The following GRIK5 variants were observed in gnomAD, a reference collection of about 807,000 sequenced individuals.
GRIK5 encodes the protein glutamate ionotropic receptor kainate type subunit 5.
A neutral mutation model predicts 97.4 loss-of-function variants in GRIK5; 43 were observed. The ratio of observed to expected loss-of-function variants is 0.44; its 90% confidence interval spans 0.35 to 0.57. The LOEUF is 0.57. Among genes scored for constraint, GRIK5 ranks in the 20% least tolerant of loss-of-function variants. The probability of loss-of-function intolerance (pLI) is 0.01; values close to 1 mark genes in which losing one functional copy is unlikely to be tolerated. For synonymous variants in GRIK5, 580 were observed against 583.5 expected, an observed-to-expected ratio of 0.99 and a Z score of 0.09; for missense variants, 1,015 against 1,382.0, an observed-to-expected ratio of 0.73 and a Z score of 4.21.
At chr19:42,053,399 T>G (rs2076141008) in intron 11 of GRIK5, among the ~76,000 whole-genome samples, 1 of 152,238 alleles carries the variant, frequency 6.6e-6, no homozygotes, top group African/African-American at 2.4e-5. Flanking sequence ...AATCTGGCCC[T>G]GAGGGCAGTC....
intron 15 of GRIK5, among the ~76,000 whole-genome samples, chr19:42,007,744 T>G (rs2075510297): frequency 6.6e-6 from 1 of 152,052 alleles, no homozygotes; most frequent in Admixed American, 6.6e-5. Context: ...AGAAAACAAT[T>G]CTTAGAGTTG....
intron 15 of GRIK5, among the ~76,000 whole-genome samples, chr19:42,012,413 G>A (rs534253715): frequency 3.7e-4 from 57 of 152,140 alleles, no homozygotes; most frequent in African/African-American, 1.3e-3. Context: ...GCCACGCCTG[G>A]CTAATTTTTT....
chr19:42,049,223 T>C (rs999812784), intron 11 of GRIK5, among the ~76,000 whole-genome samples: 4 of 152,160 alleles, frequency 2.6e-5, no homozygotes, highest in Non-Finnish European at 5.9e-5. Context: ...GGAATGAAAG[T>C]GAAAGTGGTT....
chr19:42,030,384 G>A (rs1015152556), intron 12 of GRIK5, among the ~76,000 whole-genome samples: 1 of 152,132 alleles, frequency 6.6e-6, no homozygotes, highest in Admixed American at 6.5e-5. Flanking sequence ...GTTTCACTGT[G>A]TTGGCCAGGT....
intron 8 of GRIK5, among the ~76,000 whole-genome samples, chr19:42,055,383 G>T (rs1692676360): frequency 6.6e-6 from 1 of 152,222 alleles, no homozygotes; most frequent in Admixed American, 6.5e-5. Flanking sequence ...GTGTCTTGGT[G>T]TCTTGGTATC....
chr19:42,037,458 C>CAAAAAG (rs1164816600), intron 12 of GRIK5, among the ~76,000 whole-genome samples: 1 of 152,010 alleles, frequency 6.6e-6, no homozygotes, highest in Non-Finnish European at 1.5e-5. Flanking sequence ...GACTCTGCCT[C>CAAAAAG]AAAAAGAAAA....
At chr19:42,036,027 A>T (rs2075899959) in intron 12 of GRIK5, among the ~76,000 whole-genome samples, 1 of 152,100 alleles carries the variant, frequency 6.6e-6, no homozygotes, top group Admixed American at 6.6e-5. Flanking sequence ...ATAATGTAAA[A>T]TTTTTTAATG....
chr19:42,015,388 C>A (rs543591714), intron 15 of GRIK5, among the ~76,000 whole-genome samples: 2 of 152,300 alleles, frequency 1.3e-5, no homozygotes, highest in South Asian at 4.1e-4. Flanking sequence ...CCAGGACAGA[C>A]CATATGCTGA....
rs2075997949 is a variant in GRIK5, at chr19:42,042,983, T to C, written c.1270-228A>G. 3.5e-6 allele frequency: 2 copies of C among 569,886 alleles called. No individual in the cohort carries two copies. The allele number at this position is 569,886 out of a possible 1,614,324, so 35.3% of individuals were successfully genotyped here. On this transcript the variant is annotated intron_variant, in intron 11 of 19. Transcript: ENST00000593562. The surrounding 1 kb of genome is among the most constrained non-coding windows in gnomAD (Gnocchi z 6.9). The stretch of plus-strand genomic sequence containing the variant: ...GTTCCTAGCAGATTGCAGGGAGCCA[T>C]TTTAATCTTCAGCAGCCAACCTGAT...
chr19:41,999,139 G>A lies in GRIK5; in HGVS notation c.2675C>T (p.Ser892Leu), dbSNP rs1210101567. 16 of 1,482,048 alleles carry A rather than the reference G, an allele frequency of 1.1e-5. No individual in the cohort carries two copies. Among genetic ancestry groups the A allele is most frequent in the Non-Finnish European group, 1.3e-5 (15 of 1,125,010 alleles). The allele number at this position is 1,482,048 out of a possible 1,614,324, so 91.8% of individuals were successfully genotyped here. The change falls in exon 20 of 20, where the codon TCG (serine) becomes TTG (leucine). Residue 892 changes from serine to leucine, a missense_variant. Physicochemically the swap from Ser to Leu is moderately radical, Grantham distance 145. Transcript: ENST00000593562. This position sits in a 1 kb window ranked among gnomAD's most constrained non-coding sequence, Gnocchi z 5.0. Reference protein sequence around the residue: ...EMRLSNGKLYSAGAGGDAGSA... With the variant: ...EMRLSNGKLYLAGAGGDAGSA... ...GCCCGCATCCCCGCCCGCGCCGGCC[G>A]AGTAGAGCTTGCCGTTGCTGAGGCG...
Position 42,042,770 on chromosome 19 carries a change from G to A in GRIK5, c.1270-15C>T. 2 of 1,604,952 alleles carry A rather than the reference G, an allele frequency of 1.2e-6. No individual in the cohort carries two copies. The highest frequency in any genetic ancestry group is 1.7e-6 in the Non-Finnish European group (2 of 1,173,874). On this transcript the variant is annotated splice_polypyrimidine_tract_variant and intron_variant, in intron 11 of 19. Transcript: ENST00000593562. This position sits in a 1 kb window ranked among gnomAD's most constrained non-coding sequence, Gnocchi z 6.9. ...TATGGGTTCTCCTGGGTGGGCAGAA[G>A]AAAGCAGGGGTCAGAGGCTGGGTGT...
chr19:42,012,977 T>A (rs2075581941), intron 15 of GRIK5, among the ~76,000 whole-genome samples: 1 of 152,232 alleles, frequency 6.6e-6, no homozygotes, highest in South Asian at 2.1e-4. Context: ...CTCATTCATT[T>A]AATGTATCAT....
At chr19:42,037,717 G>A (rs1237442518) in intron 12 of GRIK5, among the ~76,000 whole-genome samples, 2 of 152,152 alleles carry the variant, frequency 1.3e-5, no homozygotes, top group Non-Finnish European at 2.9e-5. Context: ...GTGGCTGATG[G>A]CTCTCAGCTC....
chr19:42,049,733 CTGTA>C (rs1463923720), intron 11 of GRIK5, among the ~76,000 whole-genome samples: 2 of 152,104 alleles, frequency 1.3e-5, no homozygotes, highest in African/African-American at 4.8e-5. Flanking sequence ...GTGCACATTT[CTGTA>C]TGTGTGTTAC....
intron 1 of GRIK5, among the ~76,000 whole-genome samples, chr19:42,066,252 T>G (rs1470143112): frequency 6.6e-6 from 1 of 151,750 alleles, no homozygotes; most frequent in East Asian, 1.9e-4. Context: ...CTGGAGAGGA[T>G]GCGGTGGTTG....
Position 42,062,162 on chromosome 19 carries a change from A to G in GRIK5, c.508+326T>C, listed in dbSNP as rs117835852. On this transcript the variant is annotated intron_variant, in intron 5 of 19. Coordinates refer to ENST00000593562, the MANE Select transcript of GRIK5 (RefSeq NM_002088.5). The surrounding 1 kb of genome is among the most constrained non-coding windows in gnomAD (Gnocchi z 5.3). The stretch of plus-strand genomic sequence containing the variant: ...CTCCACGTGCCTCCTGGCAGCACAC[A>G]TACCACTCTGTATCACAACAGCTCA... 1.3e-3 allele frequency among the ~76,000 whole-genome samples: 191 copies of G among 152,286 alleles called. 1 individual carries two copies. Among genetic ancestry groups the G allele is most frequent in the Middle Eastern group, 0.01 (3 of 294 alleles).
chr19:42,043,921 C>G (rs373844499), intron 11 of GRIK5, among the ~76,000 whole-genome samples: 1 of 152,110 alleles, frequency 6.6e-6, no homozygotes, highest in Non-Finnish European at 1.5e-5. Flanking sequence ...AATAAAATAA[C>G]ATAAATGTTA....
intron 10 of GRIK5, 23 bp from the exon 11 acceptor site, chr19:42,053,732 T>C (rs1487765954): frequency 6.4e-7 from 1 of 1,568,106 alleles, no homozygotes; most frequent in Admixed American, 1.7e-5. Flanking sequence ...GAGGGTGCTG[T>C]CAGCTCAGGC....
intron 11 of GRIK5, among the ~76,000 whole-genome samples, chr19:42,051,624 G>C (rs867981487): frequency 2.6e-5 from 4 of 152,238 alleles, no homozygotes; most frequent in African/African-American, 9.6e-5. Context: ...CCCTGGGATA[G>C]AGCAGCGAAT....
Sources: gnomAD v4.1 joint callset for allele counts (sites outside exome capture counted in the v4.1 genomes callset) on GRCh38, gnomAD v4.1.1 for gene constraint, Gnocchi (gnomAD v3.1) non-coding constraint, MANE v1.5 for transcripts, NCBI Gene and HGNC (gene_info 2026-07-23, HGNC 2026-07-21) for gene names.